ADCY5: variants seen among roughly 807,000 people sequenced by gnomAD.
The protein encoded by ADCY5 is adenylate cyclase type 5.
Under a neutral mutation model 119.7 loss-of-function variants are expected in ADCY5, and 30 were observed. The ratio of observed to expected loss-of-function variants is 0.25; its 90% confidence interval spans 0.19 to 0.34. ADCY5 has a LOEUF of 0.34. Among genes scored for constraint, ADCY5 ranks in the 10% least tolerant of loss-of-function variants. The pLI, the probability that ADCY5 is intolerant of heterozygous loss-of-function variation, is 1.00. For missense variants in ADCY5, 1,324 were observed against 1,775.2 expected (o/e 0.75, Z 4.57); for synonymous variants, 753 against 762.2 (o/e 0.99, Z 0.20).
intron 3 of ADCY5, among the ~76,000 whole-genome samples, chr3:123,335,371 A>G (rs1334613689): frequency 6.6e-6 from 1 of 152,186 alleles, no homozygotes; most frequent in Admixed American, 6.5e-5. Flanking sequence ...CCTCACCATC[A>G]TAAAACGTAC....
At chr3:123,291,834 T>C (rs985854856) in intron 17 of ADCY5, among the ~76,000 whole-genome samples, 4 of 152,210 alleles carry the variant, frequency 2.6e-5, no homozygotes, top group African/African-American at 9.6e-5. Flanking sequence ...AAGCCAGAGT[T>C]ACCTTAATTG....
chr3:123,441,268 G>A (rs1945716817), intron 1 of ADCY5, among the ~76,000 whole-genome samples: 1 of 152,224 alleles, frequency 6.6e-6, no homozygotes, highest in Non-Finnish European at 1.5e-5. Context: ...AGTGCGGCCT[G>A]TGAATCTGCA....
At chr3:123,444,112 C>T (rs1236692700) in intron 1 of ADCY5, among the ~76,000 whole-genome samples, 1 of 152,184 alleles carries the variant, frequency 6.6e-6, no homozygotes, top group Non-Finnish European at 1.5e-5. Context: ...GTTGCCATGG[C>T]AACAGGCTCC....
At chr3:123,319,628 G>C (rs890615838) in intron 10 of ADCY5, 46 bp downstream of exon 10, 2 of 1,600,958 alleles carry the variant, frequency 1.2e-6, no homozygotes, top group African/African-American at 2.7e-5. Flanking sequence ...CCTCCTCCTG[G>C]TCCTGGTTCA....
At chr3:123,444,269 G>A (rs767036890) in intron 1 of ADCY5, among the ~76,000 whole-genome samples, 34 of 152,178 alleles carry the variant, frequency 2.2e-4, no homozygotes, top group Admixed American at 4.6e-4. Context: ...ATACCCCAGC[G>A]AGGAGACAGG....
chr3:123,381,190 C>A (rs1270095286), intron 1 of ADCY5, among the ~76,000 whole-genome samples: 1 of 152,242 alleles, frequency 6.6e-6, no homozygotes, highest in Non-Finnish European at 1.5e-5. Context: ...GCTCTGCCCT[C>A]TTCTAGTAAA....
At position 123,435,717 on chromosome 3, in the gene ADCY5, T is replaced by C. The variant is rs1299063862; in HGVS notation, c.1134+11695A>G. Among the ~76,000 whole-genome samples, 11 of 151,764 alleles carry C rather than the reference T, an allele frequency of 7.2e-5. 1 individual carries two copies. The highest frequency in any genetic ancestry group is 1.5e-5 in the Non-Finnish European group (1 of 67,912). On this transcript the variant is annotated intron_variant, in intron 1 of 20. Coordinates refer to ENST00000462833, the MANE Select transcript of ADCY5 (RefSeq NM_183357.3). ...CAGAAAGCCACACATTTTTAAGAAG[T>C]AAAAATTCAGCTGGGCGTGGTGAGA...
In ADCY5 at chr3:123,332,293, A is replaced by T. The variant is rs113367692; in HGVS notation, c.1518+271T>A. Among the ~76,000 whole-genome samples the T allele has an allele frequency of 0.022, 3,309 of 152,258 alleles. 60 individuals are homozygous for T. The highest frequency in any genetic ancestry group is 0.034 in the Admixed American group (513 of 15,300). ...CAGGCCTCACCACCCGCTTCCAAGGATGGGGGGCATGGAGGGCTCCCTACA... is the reference window on the plus strand; with the variant it reads ...CAGGCCTCACCACCCGCTTCCAAGGTTGGGGGGCATGGAGGGCTCCCTACA... On this transcript the variant is annotated intron_variant, in intron 4 of 20. Coordinates refer to ENST00000462833, the MANE Select transcript of ADCY5 (RefSeq NM_183357.3).
intron 1 of ADCY5, among the ~76,000 whole-genome samples, chr3:123,409,584 C>G (rs1944991533): frequency 6.6e-6 from 1 of 152,148 alleles, no homozygotes; most frequent in African/African-American, 2.4e-5. Flanking sequence ...CAGTGGTTCT[C>G]CAAGTGGGAT....
At chr3:123,349,704 C>G (rs758675663) in intron 2 of ADCY5, among the ~76,000 whole-genome samples, 1 of 152,186 alleles carries the variant, frequency 6.6e-6, no homozygotes, top group East Asian at 1.9e-4. Flanking sequence ...CTGCCACCCC[C>G]AGACTGGCTG....
chr3:123,289,439 C>T (rs1422232003), intron 19 of ADCY5, among the ~76,000 whole-genome samples: 7 of 152,278 alleles, frequency 4.6e-5, no homozygotes, highest in Non-Finnish European at 2.9e-5. Context: ...CGAGCAGGCA[C>T]AGCCTGGGTC....
At chr3:123,351,881 C>T (rs1373091277) in intron 2 of ADCY5, among the ~76,000 whole-genome samples, 4 of 152,194 alleles carry the variant, frequency 2.6e-5, no homozygotes, top group Non-Finnish European at 4.4e-5. Context: ...CTTCCCTGAC[C>T]CAGGCAGTCG....
At chr3:123,343,491 C>T (rs1220282810) in intron 3 of ADCY5, among the ~76,000 whole-genome samples, 2 of 152,192 alleles carry the variant, frequency 1.3e-5, no homozygotes, top group Admixed American at 1.3e-4. Context: ...AGGTGCTCAT[C>T]TTGGTCCCTT....
chr3:123,449,089 C>T lies in ADCY5; in HGVS notation c.-544G>A, dbSNP rs1375530826. The T allele has an allele frequency of 6.9e-6, 1 of 145,336 alleles. No homozygotes were observed. Among genetic ancestry groups the T allele is most frequent in the Non-Finnish European group, 1.5e-5 (1 of 66,354 alleles). The allele number at this position is 145,336 out of a possible 1,614,324, so 9.0% of individuals were successfully genotyped here. Reference sequence around the variant, plus strand: ...TTTCCTCGCAGCGGACTGGGAGCGACTGGGAGGTGCGGGCGCCAGCCAGCA... The same window carrying T: ...TTTCCTCGCAGCGGACTGGGAGCGATTGGGAGGTGCGGGCGCCAGCCAGCA... On this transcript the variant is annotated 5_prime_UTR_variant, in exon 1 of 21. Coordinates refer to ENST00000462833, the MANE Select transcript of ADCY5 (RefSeq NM_183357.3).
chr3:123,327,781 G>A (rs111941512), intron 6 of ADCY5, 22 bp from the exon 7 acceptor site: 13 of 1,611,880 alleles, frequency 8.1e-6, no homozygotes, highest in South Asian at 2.2e-5. Flanking sequence ...CAGGGATCAG[G>A]GTGGAGAGGG....
intron 1 of ADCY5, among the ~76,000 whole-genome samples, chr3:123,439,666 A>C (rs1236638311): frequency 6.6e-6 from 1 of 151,940 alleles, no homozygotes; most frequent in African/African-American, 2.4e-5. Flanking sequence ...CCCTTGGATA[A>C]GGAGGGACTA....
At position 123,448,331 on chromosome 3, in the gene ADCY5, C is replaced by G; in HGVS notation, c.215G>C (p.Arg72Pro). Residue 72 changes from arginine to proline, a missense_variant, in exon 1 of 21, where the codon CGC becomes CCC. Physicochemically the swap from Arg to Pro is moderately radical, Grantham distance 103. Transcript: ENST00000462833. Reference protein sequence around the residue: ...TPQQQQRLASRWRSDDDDDPP... With the variant: ...TPQQQQRLASPWRSDDDDDPP... The stretch of plus-strand genomic sequence containing the variant: ...ATCGTCGTCGTCGTCGCTGCGCCAG[C>G]GGCTGGCCAGGCGCTGCTGCTGCTG... 1 of 1,533,650 alleles carries G rather than the reference C, an allele frequency of 6.5e-7. No homozygotes were observed. Among genetic ancestry groups the G allele is most frequent in the East Asian group, 2.7e-5 (1 of 37,148 alleles).
At chr3:123,418,091 G>A (rs1945224440) in intron 1 of ADCY5, among the ~76,000 whole-genome samples, 2 of 152,322 alleles carry the variant, frequency 1.3e-5, no homozygotes, top group South Asian at 4.1e-4. Context: ...TCAGATCCCA[G>A]GAGGTGAGAC....
chr3:123,329,358 G>A (rs532980755), intron 5 of ADCY5, among the ~76,000 whole-genome samples: 1 of 152,174 alleles, frequency 6.6e-6, no homozygotes, highest in Non-Finnish European at 1.5e-5. Flanking sequence ...AGGTGCAGGG[G>A]CTTAGGGTGC....
Sources: allele counts gnomAD v4.1 joint callset (sites outside exome capture counted in the v4.1 genomes callset), GRCh38; gene constraint gnomAD v4.1.1; transcripts MANE v1.5; gene names NCBI Gene and HGNC (gene_info 2026-07-23, HGNC 2026-07-21).